DRC9: variants seen among roughly 807,000 people sequenced by gnomAD.
The protein encoded by DRC9 is dynein regulatory complex subunit 9, also known as dynein regulatory complex protein 9.
the DRC9 span, among the ~76,000 whole-genome samples, chr3:197,911,839 C>T: frequency 6.6e-6 from 1 of 151,584 alleles, no homozygotes; most frequent in Admixed American, 6.6e-5. Flanking sequence ...GGGGTTTCTC[C>T]ATGTTGGCCA....
chr3:197,917,981 C>T, the DRC9 span, among the ~76,000 whole-genome samples: 3 of 151,044 alleles, frequency 2.0e-5, no homozygotes, highest in Non-Finnish European at 4.4e-5. Flanking sequence ...GGGATCTGCC[C>T]GCCTCAGCCT....
At chr3:197,950,783 G>T in the DRC9 span, 2 of 664,094 alleles carry the variant, frequency 3.0e-6, no homozygotes, top group Non-Finnish European at 2.6e-6. Context: ...GCCGGACCCT[G>T]CGTTTCATAT....
chr3:197,898,102 C>T, the DRC9 span, among the ~76,000 whole-genome samples: 14 of 152,094 alleles, frequency 9.2e-5, no homozygotes, highest in African/African-American at 3.1e-4. Flanking sequence ...TTACATTTCA[C>T]ATTCTGAGAC....
At chr3:197,891,104 G>T in the DRC9 span, among the ~76,000 whole-genome samples, 1 of 152,188 alleles carries the variant, frequency 6.6e-6, no homozygotes, top group Non-Finnish European at 1.5e-5. Context: ...GTATAAGCAG[G>T]ATTTTAAGAA....
the DRC9 span, among the ~76,000 whole-genome samples, chr3:197,926,808 C>G: frequency 2.0e-5 from 3 of 152,282 alleles, no homozygotes; most frequent in South Asian, 2.1e-4. Context: ...GTCTTCCAGC[C>G]TCTCCTTCAC....
chr3:197,898,632 C>T, the DRC9 span, among the ~76,000 whole-genome samples: 11 of 152,128 alleles, frequency 7.2e-5, no homozygotes, highest in Non-Finnish European at 1.3e-4. Flanking sequence ...CCTGGAGAGG[C>T]CTCAGGAAAC....
chr3:197,892,866 G>A, the DRC9 span: 1 of 1,404,870 alleles, frequency 7.1e-7, no homozygotes, highest in South Asian at 1.3e-5. Context: ...ATTCCATAGT[G>A]AGAGAAGGCA....
At chr3:197,911,775 G>C in the DRC9 span, among the ~76,000 whole-genome samples, 1 of 151,968 alleles carries the variant, frequency 6.6e-6, no homozygotes, top group African/African-American at 2.4e-5. Context: ...GAGTAGCTGG[G>C]ATTACAGGCG....
chr3:197,950,756 T>G, the DRC9 span: 1 of 619,422 alleles, frequency 1.6e-6, no homozygotes, highest in Non-Finnish European at 2.8e-6. Flanking sequence ...AGCTGTTCTC[T>G]GAGGTTTGAA....
the DRC9 span, chr3:197,957,585 T>A: frequency 1.3e-5 from 2 of 152,102 alleles, no homozygotes; most frequent in Admixed American, 1.3e-4. Flanking sequence ...CTCCCAGGAT[T>A]GTGGTTTTAA....
chr3:197,931,786 G>A, the DRC9 span, among the ~76,000 whole-genome samples: 34 of 151,704 alleles, frequency 2.2e-4, no homozygotes, highest in African/African-American at 7.7e-4. Context: ...CACCACGCCC[G>A]GCTAATTTTT....
chr3:197,889,862 T>A, the DRC9 span: 1 of 851,050 alleles, frequency 1.2e-6, no homozygotes, highest in East Asian at 2.5e-5. Context: ...CGTAATCACT[T>A]CAGCGATGCT....
At chr3:197,910,062 A>C in the DRC9 span, among the ~76,000 whole-genome samples, 2 of 152,212 alleles carry the variant, frequency 1.3e-5, no homozygotes, top group African/African-American at 2.4e-5. Context: ...TATGAAAAGA[A>C]ATACATGTGG....
chr3:197,932,497 C>T, the DRC9 span, among the ~76,000 whole-genome samples: 3 of 151,486 alleles, frequency 2.0e-5, no homozygotes, highest in Non-Finnish European at 2.9e-5. Context: ...TAGCCAGGCG[C>T]GGTGGCAGGT....
At chr3:197,933,643 C>T in the DRC9 span, among the ~76,000 whole-genome samples, 1 of 151,752 alleles carries the variant, frequency 6.6e-6, no homozygotes, top group Non-Finnish European at 1.5e-5. Context: ...TTAAAGATTA[C>T]ATGTGTCAGA....
chr3:197,925,275 G>T, the DRC9 span, among the ~76,000 whole-genome samples: 2 of 131,064 alleles, frequency 1.5e-5, no homozygotes, highest in Admixed American at 1.5e-4. Context: ...GGTCATCTGT[G>T]GGGGAGGGTG....
At chr3:197,954,878 C>T in the DRC9 span, among the ~76,000 whole-genome samples, 1 of 152,170 alleles carries the variant, frequency 6.6e-6, no homozygotes, top group Admixed American at 6.5e-5. Context: ...AACAATTCAA[C>T]AGTTACGCCT....
At chr3:197,925,308 T>C in the DRC9 span, among the ~76,000 whole-genome samples, 1 of 67,416 alleles carries the variant, frequency 1.5e-5, no homozygotes, top group Non-Finnish European at 2.7e-5. Context: ...GGGTGGGATA[T>C]GAGGATGGGA....
At chr3:197,892,392 G>A in the DRC9 span, among the ~76,000 whole-genome samples, 1 of 152,168 alleles carries the variant, frequency 6.6e-6, no homozygotes, top group Non-Finnish European at 1.5e-5. Context: ...AGCTGTCCCC[G>A]TCAGCAGCAG....
Sources: allele counts gnomAD v4.1 joint callset (sites outside exome capture counted in the v4.1 genomes callset), GRCh38; gene constraint gnomAD v4.1.1; transcripts MANE v1.5; gene names NCBI Gene and HGNC (gene_info 2026-07-23, HGNC 2026-07-21).